TRPC1: variants seen among roughly 807,000 people sequenced by gnomAD.
TRPC1 encodes transient receptor potential cation channel subfamily C member 1, also known as short transient receptor potential channel 1.
A neutral mutation model predicts 88.2 loss-of-function variants in TRPC1; 42 were observed. The ratio of observed to expected loss-of-function variants is 0.48; its 90% CI spans 0.37 to 0.62. The LOEUF is 0.62. Among genes scored for constraint, TRPC1 ranks in the 20% least tolerant of loss-of-function variants. The probability of loss-of-function intolerance (pLI) is 0.00; values close to 1 mark genes in which losing one functional copy is unlikely to be tolerated. For synonymous variants in TRPC1, 288 were observed against 331.8 expected (o/e 0.87, Z 1.43); for missense variants, 699 against 957.3 (o/e 0.73, Z 3.56).
chr3:142,730,867 A>G (rs1286630539), intron 1 of TRPC1, among the ~76,000 whole-genome samples: 4 of 152,184 alleles, frequency 2.6e-5, no homozygotes, highest in Non-Finnish European at 5.9e-5. Context: ...AAGCTTTACA[A>G]ATTTTTTGAC....
Position 142,743,467 on chromosome 3 carries a change from C to CTTTT in TRPC1, c.328-8_328-5dup, listed in dbSNP as rs548918869. ...TTTTATCTTCCATTTTCATTTTTAACTTTTTTTTTTTTTGAAGTCTGCAGA... is the reference window on the plus strand; with the variant it reads ...TTTTATCTTCCATTTTCATTTTTAACTTTTTTTTTTTTTTTTTGAAGTCTGCAGA... On this transcript the variant is annotated splice_polypyrimidine_tract_variant and intron_variant, in intron 2 of 12. Coordinates refer to ENST00000476941, the MANE Select transcript of TRPC1 (RefSeq NM_001251845.2). The CTTTT allele has an allele frequency of 1.7e-6, 2 of 1,155,550 alleles. No homozygotes were observed. Among genetic ancestry groups the CTTTT allele is most frequent in the South Asian group, 1.6e-5 (1 of 62,094 alleles). The allele number at this position is 1,155,550 out of a possible 1,614,324, so 71.6% of individuals were successfully genotyped here. A position where few individuals can be genotyped will look rare whatever the true frequency, so the allele number is the denominator to read the frequency against.
intron 9 of TRPC1, among the ~76,000 whole-genome samples, chr3:142,800,074 A>C (rs1048376906): frequency 6.6e-6 from 1 of 152,158 alleles, no homozygotes; most frequent in Non-Finnish European, 1.5e-5. Context: ...TCTTACTGTC[A>C]TAAGGGATTG....
intron 4 of TRPC1, among the ~76,000 whole-genome samples, chr3:142,754,793 G>A (rs537354247): frequency 6.6e-6 from 1 of 152,222 alleles, no homozygotes; most frequent in Non-Finnish European, 1.5e-5. Flanking sequence ...AAATGGCTTG[G>A]GAGAGAGACT....
At chr3:142,748,557 G>A in intron 4 of TRPC1, 97 bp downstream of exon 4, 1 of 1,325,608 alleles carries the variant, frequency 7.5e-7, no homozygotes, top group Non-Finnish European at 1.1e-6. Context: ...TTTAAGAAAT[G>A]TGATGCTGGG....
intron 2 of TRPC1, among the ~76,000 whole-genome samples, chr3:142,740,893 G>A (rs913907860): frequency 1.2e-4 from 19 of 152,158 alleles, no homozygotes; most frequent in African/African-American, 4.6e-4. Context: ...GTTCTGGGAG[G>A]TGGGAGATTA....
At chr3:142,788,869 G>A (rs2108135028) in intron 7 of TRPC1, among the ~76,000 whole-genome samples, 1 of 152,222 alleles carries the variant, frequency 6.6e-6, no homozygotes, top group Admixed American at 6.5e-5. Context: ...AATACATCAA[G>A]TGTATTAGCT....
chr3:142,743,905 A>T (rs1934443119), intron 3 of TRPC1, among the ~76,000 whole-genome samples: 1 of 152,154 alleles, frequency 6.6e-6, no homozygotes, highest in Non-Finnish European at 1.5e-5. Context: ...CAATGAAACC[A>T]ACAAACTGGA....
chr3:142,748,194 C>T, intron 3 of TRPC1, 64 bp from the exon 4 acceptor site: 1 of 1,338,750 alleles, frequency 7.5e-7, no homozygotes, highest in Non-Finnish European at 1.0e-6. Flanking sequence ...TTTCATTCTT[C>T]AGATAAATAT....
At chr3:142,774,543 AAC>A (rs1438473120) in intron 4 of TRPC1, among the ~76,000 whole-genome samples, 7 of 152,244 alleles carry the variant, frequency 4.6e-5, no homozygotes, top group Non-Finnish European at 1.0e-4. Context: ...AGGATGGCAA[AAC>A]TACAAACCTC....
At chr3:142,763,531 G>A (rs187270212) in intron 4 of TRPC1, among the ~76,000 whole-genome samples, 10 of 151,658 alleles carry the variant, frequency 6.6e-5, no homozygotes, top group Admixed American at 1.3e-4. Flanking sequence ...TTTCAGTTAC[G>A]TGGAATATCT....
At chr3:142,725,401 G>C (rs1033654409) in intron 1 of TRPC1, among the ~76,000 whole-genome samples, 1 of 152,262 alleles carries the variant, frequency 6.6e-6, no homozygotes, top group Non-Finnish European at 1.5e-5. Context: ...TGGAGAGAAA[G>C]ATTTATTGCT....
intron 9 of TRPC1, among the ~76,000 whole-genome samples, chr3:142,801,423 G>T (rs1936617453): frequency 6.6e-6 from 1 of 152,008 alleles, no homozygotes; most frequent in African/African-American, 2.4e-5. Context: ...GGATAGAATT[G>T]CTGGGTCAAA....
At chr3:142,788,257 G>A (rs1268995199) in intron 7 of TRPC1, among the ~76,000 whole-genome samples, 2 of 152,112 alleles carry the variant, frequency 1.3e-5, no homozygotes, top group East Asian at 1.9e-4. Context: ...GACCAATATC[G>A]ATGCTGTTGC....
chr3:142,729,486 A>G (rs948707590), intron 1 of TRPC1, among the ~76,000 whole-genome samples: 20 of 152,184 alleles, frequency 1.3e-4, no homozygotes, highest in Non-Finnish European at 8.8e-5. Flanking sequence ...CAAGTGCTCA[A>G]TTTAACTTAA....
At chr3:142,750,608 A>G (rs552412371) in intron 4 of TRPC1, among the ~76,000 whole-genome samples, 1 of 152,360 alleles carries the variant, frequency 6.6e-6, no homozygotes, top group African/African-American at 2.4e-5. Flanking sequence ...ATAAAGACAC[A>G]TGCACACGTA....
At chr3:142,787,440 C>T (rs527294174) in intron 7 of TRPC1, among the ~76,000 whole-genome samples, 1 of 152,012 alleles carries the variant, frequency 6.6e-6, no homozygotes, top group African/African-American at 2.4e-5. Context: ...GTTTTGTTTG[C>T]TTTCATTAGC....
chr3:142,757,170 A>G (rs1935001368), intron 4 of TRPC1, among the ~76,000 whole-genome samples: 1 of 152,178 alleles, frequency 6.6e-6, no homozygotes, highest in Non-Finnish European at 1.5e-5. Context: ...ATTGTGTACA[A>G]TGCTGCAATA....
rs1316202859 is a variant in TRPC1 at position 142,776,935 on chromosome 3, TGA to T, written c.633-690_633-689del. 1.3e-5 allele frequency among the ~76,000 whole-genome samples: 2 copies of T among 151,942 alleles called. No homozygotes were observed. Among genetic ancestry groups the T allele is most frequent in the Admixed American group, 1.3e-4 (2 of 15,240 alleles). ...AAGAAAAAAAAAGTATTTTTATTAC[TGA>T]GAGAGAAAGAAAAGATTTATTAGTC... On this transcript the variant is annotated intron_variant, in intron 4 of 12. Transcript: ENST00000476941. The surrounding 1 kb of genome is among the most constrained non-coding windows in gnomAD (Gnocchi z 4.1).
At chr3:142,734,314 A>G (rs1934041051) in intron 1 of TRPC1, among the ~76,000 whole-genome samples, 1 of 152,218 alleles carries the variant, frequency 6.6e-6, no homozygotes, top group Middle Eastern at 3.2e-3. Flanking sequence ...AGTTGGAAAG[A>G]AATCTGGTAA....
Sources: allele counts gnomAD v4.1 joint callset (sites outside exome capture counted in the v4.1 genomes callset), GRCh38; gene constraint gnomAD v4.1.1; non-coding constraint Gnocchi (gnomAD v3.1); transcripts MANE v1.5; gene names NCBI Gene and HGNC (gene_info 2026-07-23, HGNC 2026-07-21).